Variants in FRMPD4 observed in about 807,000 individuals in gnomAD.
The protein encoded by FRMPD4 is FERM and PDZ domain containing 4, also known as FERM and PDZ domain-containing protein 4.
Under a neutral mutation model 94.1 loss-of-function variants are expected in FRMPD4, and 22 were observed. The ratio of observed to expected loss-of-function variants is 0.23; its 90% CI spans 0.17 to 0.33. FRMPD4 has a LOEUF of 0.33. FRMPD4 is among the 10% of genes least tolerant of loss of function. The pLI, the probability that FRMPD4 is intolerant of heterozygous loss-of-function variation, is 1.00. For synonymous variants in FRMPD4, 631 were observed against 548.6 expected, an observed-to-expected ratio of 1.15 and a Z score of -2.10; for missense variants, 1,111 against 1,339.9, an observed-to-expected ratio of 0.83 and a Z score of 2.67.
At chrX:12,564,097 G>C (rs12686960) in intron 2 of FRMPD4, among the ~76,000 whole-genome samples, 48,876 of 110,322 alleles carry the variant, frequency 0.44, 8,157 homozygotes, top group Non-Finnish European at 0.53. Context: ...ACATAGCAGA[G>C]AGCAGAGAGA....
At chrX:12,159,942 A>G (rs1417289016) in intron 1 of FRMPD4, among the ~76,000 whole-genome samples, 1 of 111,722 alleles carries the variant, frequency 9.0e-6, no homozygotes, top group Non-Finnish European at 1.9e-5. Flanking sequence ...AAAGATTTGC[A>G]GCTTGTGACT....
chrX:12,012,910 A>G (rs2054588210), intron 3 of FRMPD4, among the ~76,000 whole-genome samples: 1 of 112,226 alleles, frequency 8.9e-6, no homozygotes, highest in Non-Finnish European at 1.9e-5. Flanking sequence ...AAGACACAGA[A>G]GTGGAAAGGA....
intron 1 of FRMPD4, among the ~76,000 whole-genome samples, chrX:11,838,612 C>A (rs994173345): frequency 9.0e-6 from 1 of 111,079 alleles, no homozygotes; most frequent in African/African-American, 3.3e-5. Context: ...CCCTTGAGCC[C>A]ATTTGTAGTC....
chrX:12,618,282 A>G (rs2059253754), intron 4 of FRMPD4, among the ~76,000 whole-genome samples: 1 of 111,956 alleles, frequency 8.9e-6, no homozygotes. Context: ...TCCCACGGCT[A>G]GCCAGCCCAA....
intron 1 of FRMPD4, among the ~76,000 whole-genome samples, chrX:12,285,560 T>C (rs1456898398): frequency 1.8e-5 from 2 of 111,540 alleles, no homozygotes; most frequent in African/African-American, 6.5e-5. Flanking sequence ...TGTGCGTGTG[T>C]TCATGTAACT....
At chrX:11,934,900 C>A (rs959477151) in intron 3 of FRMPD4, among the ~76,000 whole-genome samples, 1 of 111,159 alleles carries the variant, frequency 9.0e-6, no homozygotes, top group Non-Finnish European at 1.9e-5. Context: ...TTGTTTGTAG[C>A]GTAAGAGGGA....
intron 1 of FRMPD4, among the ~76,000 whole-genome samples, chrX:12,460,356 T>C (rs2057378723): frequency 1.8e-5 from 2 of 112,145 alleles, no homozygotes; most frequent in African/African-American, 6.5e-5. Flanking sequence ...CACAAAGATT[T>C]TGTCCAACAC....
intron 4 of FRMPD4, among the ~76,000 whole-genome samples, chrX:12,643,752 G>A (rs185388045): frequency 1.8e-5 from 2 of 112,182 alleles, no homozygotes; most frequent in East Asian, 2.8e-4. Flanking sequence ...CGGAAATAAC[G>A]TAGGTGAGTA....
At chrX:11,827,214 ATATAT>A (rs963520634) in intron 1 of FRMPD4, among the ~76,000 whole-genome samples, 7 of 106,974 alleles carry the variant, frequency 6.5e-5, no homozygotes, top group African/African-American at 2.4e-4. Flanking sequence ...TATAAATTAC[ATATAT>A]TATATCATAT....
At chrX:12,112,030 C>G (rs1307655826) in intron 3 of FRMPD4, among the ~76,000 whole-genome samples, 1 of 111,534 alleles carries the variant, frequency 9.0e-6, no homozygotes, top group Non-Finnish European at 1.9e-5. Context: ...GGATCTAGAA[C>G]TAGAAATACC....
intron 3 of FRMPD4, among the ~76,000 whole-genome samples, chrX:12,087,708 G>T (rs1184248195): frequency 1.8e-5 from 2 of 111,987 alleles, no homozygotes; most frequent in African/African-American, 6.5e-5. Flanking sequence ...TACGTTTAGG[G>T]TTTTTTTCTT....
At chrX:12,255,187 G>T (rs140458523) in intron 1 of FRMPD4, among the ~76,000 whole-genome samples, 1,559 of 111,954 alleles carry the variant, frequency 0.014, 14 homozygotes, top group Non-Finnish European at 0.021. Flanking sequence ...TCAGAAAAGA[G>T]ATCCAGTTTG....
chrX:12,685,796 G>T (rs1344435718), intron 6 of FRMPD4, among the ~76,000 whole-genome samples: 1 of 112,017 alleles, frequency 8.9e-6, no homozygotes, highest in East Asian at 2.8e-4. Flanking sequence ...GCCCTGCTTA[G>T]GTCTGGGCTT....
At chrX:12,088,333 A>T (rs911438527) in intron 3 of FRMPD4, among the ~76,000 whole-genome samples, 3 of 111,496 alleles carry the variant, frequency 2.7e-5, no homozygotes, top group African/African-American at 9.8e-5. Context: ...TTTTATAAGA[A>T]CACTAATCCC....
chrX:12,243,219 C>T (rs1055167055), intron 1 of FRMPD4, among the ~76,000 whole-genome samples: 1 of 112,162 alleles, frequency 8.9e-6, no homozygotes, highest in African/African-American at 3.2e-5. Context: ...ATTCCCACCT[C>T]GTGTTTTAAC....
intron 2 of FRMPD4, among the ~76,000 whole-genome samples, chrX:12,587,762 T>C (rs1265976375): frequency 1.8e-5 from 2 of 111,391 alleles, no homozygotes; most frequent in Non-Finnish European, 3.8e-5. Context: ...CTGTAAACGA[T>C]CATGTACAAT....
chrX:12,043,821 A>C (rs988919586), intron 3 of FRMPD4, among the ~76,000 whole-genome samples: 1 of 110,003 alleles, frequency 9.1e-6, no homozygotes, highest in Non-Finnish European at 1.9e-5. Context: ...TAGCAAAATT[A>C]TTTTTTTTTC....
At chrX:12,650,424 G>T (rs893193332) in intron 4 of FRMPD4, among the ~76,000 whole-genome samples, 1 of 103,650 alleles carries the variant, frequency 9.6e-6, no homozygotes, top group African/African-American at 3.3e-5. Context: ...ACAAAGTCTA[G>T]AACAGTCTTC....
intron 1 of FRMPD4, among the ~76,000 whole-genome samples, chrX:12,249,514 G>A (rs1191143817): frequency 9.0e-6 from 1 of 111,295 alleles, no homozygotes; most frequent in African/African-American, 3.3e-5. Context: ...GCAGCTGGAT[G>A]GAGGTACCTG....
Sources: gnomAD v4.1 joint callset for allele counts (sites outside exome capture counted in the v4.1 genomes callset) on GRCh38, gnomAD v4.1.1 for gene constraint, MANE v1.5 for transcripts, NCBI Gene and HGNC (gene_info 2026-07-23, HGNC 2026-07-21) for gene names.